Variants in RAPGEF6 observed in about 807,000 individuals in gnomAD.
RAPGEF6 encodes PDZ domain containing guanine nucleotide exchange factor (GEF) 2.
In RAPGEF6, 56 loss-of-function variants were observed where a neutral mutation model predicts 171.4. The ratio of observed to expected loss-of-function variants is 0.33; its 90% confidence interval spans 0.26 to 0.41. The LOEUF is 0.41. Ranked by LOEUF, RAPGEF6 falls within the 10% of genes least tolerant of loss-of-function variation. The pLI, the probability that RAPGEF6 is intolerant of heterozygous loss-of-function variation, is 1.00. For synonymous variants in RAPGEF6, 692 were observed against 650.1 expected (o/e 1.06, Z -0.98); for missense variants, 1,674 against 1,921.4 (o/e 0.87, Z 2.41).
intron 4 of RAPGEF6, among the ~76,000 whole-genome samples, chr5:131,564,559 C>T (rs563117474): frequency 6.6e-6 from 1 of 152,118 alleles, no homozygotes; most frequent in East Asian, 1.9e-4. Context: ...TAAAGAGATG[C>T]AAAAGCTGGA....
chr5:131,485,140 G>C (rs1755795658), intron 15 of RAPGEF6, among the ~76,000 whole-genome samples: 1 of 152,076 alleles, frequency 6.6e-6, no homozygotes, highest in South Asian at 2.1e-4. Flanking sequence ...TGCCCAGGCT[G>C]GTCTTGGAAC....
At chr5:131,543,230 TA>T (rs1196319202) in intron 6 of RAPGEF6, among the ~76,000 whole-genome samples, 1 of 152,082 alleles carries the variant, frequency 6.6e-6, no homozygotes, top group Admixed American at 6.5e-5. Context: ...GGCAAGGGTA[TA>T]GGGGAGGATG....
intron 4 of RAPGEF6, among the ~76,000 whole-genome samples, chr5:131,564,978 T>C (rs1473222840): frequency 6.6e-6 from 1 of 152,192 alleles, no homozygotes; most frequent in Non-Finnish European, 1.5e-5. Context: ...TTAGCATTTT[T>C]TTTATCAGTA....
Position 131,603,296 on chromosome 5 carries a change from A to G in RAPGEF6, c.172T>C (p.Tyr58His), listed in dbSNP as rs368277030. 6.3e-7 allele frequency: 1 copy of G among 1,582,772 alleles called. No individual in the cohort carries two copies. Among genetic ancestry groups the G allele is most frequent in the Non-Finnish European group, 8.6e-7 (1 of 1,166,904 alleles). The change falls in exon 3 of 28, where the codon TAC (tyrosine) becomes CAC (histidine). Residue 58 changes from tyrosine (Y) to histidine (H), a missense_variant. Tyr to His is a moderately conservative substitution (Grantham distance 83). Transcript: ENST00000509018. Reference sequence around the variant, plus strand: ...CAAAAGAGAACCTGATTGCCACTGTATCTCTCATAGCGTGCTCTTGCAGAC... The same window carrying G: ...CAAAAGAGAACCTGATTGCCACTGTGTCTCTCATAGCGTGCTCTTGCAGAC... ...LMSARARYERYSGNQVLFCSE... is the reference protein window; with the variant it reads ...LMSARARYERHSGNQVLFCSE...
intron 15 of RAPGEF6, among the ~76,000 whole-genome samples, chr5:131,483,510 C>T (rs1755643019): frequency 6.6e-6 from 1 of 151,784 alleles, no homozygotes; most frequent in African/African-American, 2.4e-5. Context: ...CACATAACTA[C>T]AATGCTATTA....
In RAPGEF6 at chr5:131,446,561, G is replaced by A; in HGVS notation, c.3343C>T (p.Leu1115Phe). Residue 1115 changes from leucine (L) to phenylalanine (F), a missense_variant, in exon 22 of 28, where the codon CTT (leucine) becomes TTT (phenylalanine). By Grantham distance (22) the Leu-to-Phe change is conservative. Around this residue, in one of 3 missense-constraint regions of RAPGEF6, gnomAD observed 6 missense variants for 25.7 expected, o/e 0.23. Coordinates refer to ENST00000509018, the MANE Select transcript of RAPGEF6 (RefSeq NM_016340.6). ...TCTGTCTCTACATCGAGACTGGAAA[G>A]ATACTGCTTCACCTTCCTTGCCATT... ...AQMARKVKQY[L>F]SSLDVETDEE... 1.2e-6 allele frequency: 2 copies of A among 1,614,234 alleles called. No individual in the cohort carries two copies. The highest frequency in any genetic ancestry group is 1.7e-6 in the Non-Finnish European group (2 of 1,180,036).
rs1171953953 is a variant in RAPGEF6, at chr5:131,523,279, C to CTTTTTTTTTTT, written c.496-1769_496-1759dup. Among the ~76,000 whole-genome samples the CTTTTTTTTTTT allele has an allele frequency of 1.8e-3, 121 of 66,648 alleles. 1 individual carries two copies. The highest frequency in any genetic ancestry group is 2.1e-3 in the Non-Finnish European group (77 of 36,104). The allele number at this position is 66,648 out of a possible 152,430, so 43.7% of individuals were successfully genotyped here. A position where few individuals can be genotyped will look rare whatever the true frequency, so the allele number is the denominator to read the frequency against. ...GGCCACATACAGTTTCTGTTGTATG[C>CTTTTTTTTTTT]TTTTTTTTTTTTTTTTTTTTTTTTT... On this transcript the variant is annotated intron_variant, in intron 6 of 27. Transcript: ENST00000509018.
At chr5:131,545,233 A>G (rs563816593) in intron 6 of RAPGEF6, among the ~76,000 whole-genome samples, 51 of 152,318 alleles carry the variant, frequency 3.3e-4, no homozygotes, top group African/African-American at 1.2e-3. Context: ...CATCTTTTTC[A>G]GTCATTCTAA....
At chr5:131,633,076 A>C (rs1374361678) in intron 1 of RAPGEF6, among the ~76,000 whole-genome samples, 1 of 152,172 alleles carries the variant, frequency 6.6e-6, no homozygotes, top group Non-Finnish European at 1.5e-5. Context: ...GCTCACACCT[A>C]TAATCCCAGC....
chr5:131,598,233 G>C (rs1037056476), intron 3 of RAPGEF6, among the ~76,000 whole-genome samples: 1 of 152,002 alleles, frequency 6.6e-6, no homozygotes, highest in African/African-American at 2.4e-5. Context: ...AACAGCAGAA[G>C]ACAGAAATTC....
chr5:131,465,580 G>A (rs1283465112), intron 17 of RAPGEF6, among the ~76,000 whole-genome samples: 3 of 151,970 alleles, frequency 2.0e-5, no homozygotes, highest in African/African-American at 4.8e-5. Context: ...CCAGGAGTTC[G>A]AGACCAGCCT....
At chr5:131,485,187 A>C (rs1452521099) in intron 15 of RAPGEF6, among the ~76,000 whole-genome samples, 1 of 152,120 alleles carries the variant, frequency 6.6e-6, no homozygotes, top group Non-Finnish European at 1.5e-5. Context: ...TCAGCCTCCT[A>C]AATTGCTAGG....
At chr5:131,606,053 AG>A (rs1484679129) in intron 1 of RAPGEF6, among the ~76,000 whole-genome samples, 2,440 of 131,390 alleles carry the variant, frequency 0.019, 98 homozygotes, top group African/African-American at 0.057. Context: ...AAAAAAAAAA[AG>A]AAAAAGAAAA....
intron 1 of RAPGEF6, among the ~76,000 whole-genome samples, chr5:131,607,985 G>GA (rs937400767): frequency 1.3e-5 from 2 of 152,124 alleles, no homozygotes; most frequent in African/African-American, 2.4e-5. Context: ...AGATCCACCT[G>GA]AAAAAATCAT....
intron 4 of RAPGEF6, among the ~76,000 whole-genome samples, chr5:131,584,356 A>G (rs916232155): frequency 2.6e-5 from 4 of 152,368 alleles, no homozygotes; most frequent in African/African-American, 7.2e-5. Context: ...TATGACAGTG[A>G]AAGAGATCTG....
intron 19 of RAPGEF6, among the ~76,000 whole-genome samples, chr5:131,456,392 C>A (rs1436019306): frequency 6.6e-6 from 1 of 152,148 alleles, no homozygotes; most frequent in African/African-American, 2.4e-5. Context: ...TTAAGTAATG[C>A]TGAGAACAAC....
intron 6 of RAPGEF6, among the ~76,000 whole-genome samples, chr5:131,545,051 G>C (rs1346495948): frequency 6.6e-6 from 1 of 151,958 alleles, no homozygotes; most frequent in Non-Finnish European, 1.5e-5. Flanking sequence ...ATAAGAAATT[G>C]TATCAAAAAA....
intron 25 of RAPGEF6, among the ~76,000 whole-genome samples, chr5:131,432,377 G>C (rs1751760801): frequency 6.6e-6 from 1 of 152,206 alleles, no homozygotes; most frequent in Admixed American, 6.5e-5. Flanking sequence ...CCAGCACTTT[G>C]GGAGGCCGAG....
chr5:131,550,880 A>T (rs755263585), intron 5 of RAPGEF6, among the ~76,000 whole-genome samples: 1 of 152,168 alleles, frequency 6.6e-6, no homozygotes, highest in Non-Finnish European at 1.5e-5. Context: ...TAGTTCAACC[A>T]ATCCCTCCTC....
Sources: gnomAD v4.1 joint callset for allele counts (sites outside exome capture counted in the v4.1 genomes callset) on GRCh38, gnomAD v4.1.1 for gene constraint, gnomAD v4.1.1 regional missense constraint, MANE v1.5 for transcripts, NCBI Gene and HGNC (gene_info 2026-07-23, HGNC 2026-07-21) for gene names.